The following LRCH3 variants were observed in gnomAD, a reference collection of about 807,000 sequenced individuals.
LRCH3 encodes DISP complex protein LRCH3.
A neutral mutation model predicts 104.5 loss-of-function variants in LRCH3; 68 were observed. The ratio of observed to expected loss-of-function variants is 0.65; its 90% CI spans 0.54 to 0.80. The LOEUF (loss-of-function observed/expected upper bound fraction) is 0.80. Among genes scored for constraint, LRCH3 ranks in the 30% least tolerant of loss-of-function variants. LRCH3 has a pLI of 0.00. For missense variants in LRCH3, 951 were observed against 953.9 expected (o/e 1.00, Z 0.04); for synonymous variants, 344 against 361.3 (o/e 0.95, Z 0.54).
At chr3:197,843,610 G>C (rs961551643) in intron 10 of LRCH3, among the ~76,000 whole-genome samples, 16 of 152,166 alleles carry the variant, frequency 1.1e-4, no homozygotes, top group African/African-American at 3.6e-4. Flanking sequence ...CTTGAACTTA[G>C]AAGGCAGAGG....
At chr3:197,834,746 AGAGG>A (rs1736451966) in intron 8 of LRCH3, among the ~76,000 whole-genome samples, 1 of 152,244 alleles carries the variant, frequency 6.6e-6, no homozygotes, top group South Asian at 2.1e-4. Context: ...GAAAAATGGT[AGAGG>A]TCTCTATTTC....
chr3:197,870,158 A>G lies in LRCH3; in HGVS notation c.1874-2A>G, dbSNP rs778007871. 1 of 1,611,404 alleles carries G rather than the reference A, an allele frequency of 6.2e-7. No homozygotes were observed. Among genetic ancestry groups the G allele is most frequent in the Non-Finnish European group, 8.5e-7 (1 of 1,178,352 alleles). ...CTGTCTTACATATTAATATTTTTAT[A>G]GGTCATGCTTCACCCCTTCCTCCAT... On this transcript the variant is annotated splice_acceptor_variant, in intron 17 of 20. Transcript: ENST00000425562. LOFTEE classifies it high-confidence loss of function.
In LRCH3 at chr3:197,848,351, T is replaced by TA. The variant is rs1739070282; in HGVS notation, c.1530+331dup. Reference sequence around the variant, plus strand: ...AAAGGCCCGTGCAGATGCAAACTGTTACTCAGACCTCTCTCCAGCTTCCTC... The same window carrying TA: ...AAAGGCCCGTGCAGATGCAAACTGTTAACTCAGACCTCTCTCCAGCTTCCTC... On this transcript the variant is annotated intron_variant, in intron 12 of 20. Coordinates refer to ENST00000425562, the MANE Select transcript of LRCH3 (RefSeq NM_001365715.1). The TA allele has an allele frequency of 6.4e-5, 12 of 187,368 alleles. 1 individual carries two copies. In the South Asian group the frequency reaches 1.5e-3, roughly 23 times the overall value. 11.6% of individuals were successfully genotyped at this position (187,368 alleles called of 1,614,324 possible). A position where few individuals can be genotyped will look rare whatever the true frequency, so the allele number is the denominator to read the frequency against.
intron 1 of LRCH3, among the ~76,000 whole-genome samples, chr3:197,802,955 A>G (rs1732062358): frequency 6.6e-6 from 1 of 152,182 alleles, no homozygotes; most frequent in South Asian, 2.1e-4. Context: ...AATACTAGTG[A>G]GTATGCTTCT....
chr3:197,845,739 T>C (rs1251071473), intron 10 of LRCH3, among the ~76,000 whole-genome samples: 1 of 152,058 alleles, frequency 6.6e-6, no homozygotes, highest in Non-Finnish European at 1.5e-5. Context: ...ACCCCGTCTC[T>C]ACTAAAAATA....
intron 8 of LRCH3, among the ~76,000 whole-genome samples, chr3:197,833,021 A>G (rs6782839): frequency 0.016 from 2,438 of 152,222 alleles, 49 homozygotes; most frequent in African/African-American, 0.054. Flanking sequence ...TTTCAATTAA[A>G]TGGTTTGCTG....
At chr3:197,865,558 G>T in intron 16 of LRCH3, 87 bp downstream of exon 16, 1 of 872,802 alleles carries the variant, frequency 1.1e-6, no homozygotes, top group Non-Finnish European at 1.6e-6. Context: ...TAGAGACGAG[G>T]CCTTTCTGTG....
chr3:197,875,622 C>A, intron 19 of LRCH3, 76 bp from the exon 20 acceptor site: 1 of 1,153,820 alleles, frequency 8.7e-7, no homozygotes, highest in Non-Finnish European at 1.2e-6. Flanking sequence ...CCACTGCACT[C>A]CAGCCTGGGT....
At chr3:197,880,810 C>T in intron 20 of LRCH3, 3 of 1,516,328 alleles carry the variant, frequency 2.0e-6, no homozygotes, top group Non-Finnish European at 1.8e-6. Context: ...GCTTTTTCTC[C>T]CTGCTGGCCC....
intron 10 of LRCH3, among the ~76,000 whole-genome samples, chr3:197,844,098 A>G (rs1038059282): frequency 2.6e-5 from 4 of 152,212 alleles, no homozygotes; most frequent in Non-Finnish European, 5.9e-5. Flanking sequence ...CTAGGGGTGA[A>G]ACGTTCTAGG....
chr3:197,862,126 G>A (rs1296939261), intron 15 of LRCH3, among the ~76,000 whole-genome samples: 2 of 152,174 alleles, frequency 1.3e-5, no homozygotes, highest in East Asian at 3.8e-4. Flanking sequence ...CTCCCGAGTA[G>A]CTGCGATTAC....
chr3:197,840,329 A>G (rs1475637841), intron 10 of LRCH3, among the ~76,000 whole-genome samples: 1 of 152,112 alleles, frequency 6.6e-6, no homozygotes, highest in Non-Finnish European at 1.5e-5. Flanking sequence ...TTCCAGCTAC[A>G]GGTGGCACAT....
Position 197,861,040 on chromosome 3 carries a change from C to T in LRCH3, c.1716+2135C>T, listed in dbSNP as rs560162738. On this transcript the variant is annotated intron_variant, in intron 15 of 20. Transcript: ENST00000425562. ...AGGTTAGAGTGCAATGGCACAATCT[C>T]GGCTCACTGCAACCTCTGCCTCCTG... Among the ~76,000 whole-genome samples the T allele has an allele frequency of 5.3e-5, 8 of 150,506 alleles. No individual in the cohort carries two copies. The East Asian group carries it at 7.8e-4, about 15-fold the overall frequency.
intron 10 of LRCH3, among the ~76,000 whole-genome samples, chr3:197,846,454 T>C (rs760113041): frequency 4.0e-5 from 6 of 150,704 alleles, no homozygotes; most frequent in Non-Finnish European, 7.4e-5. Context: ...CCAATTACTT[T>C]AGGAGGCTGA....
intron 10 of LRCH3, among the ~76,000 whole-genome samples, chr3:197,844,765 G>A (rs553749115): frequency 1.8e-4 from 28 of 152,112 alleles, no homozygotes; most frequent in African/African-American, 4.3e-4. Flanking sequence ...CTACAGGCGC[G>A]CACCACCACA....
chr3:197,827,781 A>G (rs1259682481), intron 5 of LRCH3, among the ~76,000 whole-genome samples: 1 of 152,104 alleles, frequency 6.6e-6, no homozygotes, highest in African/African-American at 2.4e-5. Flanking sequence ...TGTAGACACC[A>G]TAAATGCTAG....
At chr3:197,833,188 G>A (rs1428838620) in intron 8 of LRCH3, among the ~76,000 whole-genome samples, 6 of 151,996 alleles carry the variant, frequency 3.9e-5, no homozygotes, top group South Asian at 4.2e-4. Flanking sequence ...CGGTATGATA[G>A]CCACTAGCCA....
chr3:197,872,348 C>T (rs911733653), intron 19 of LRCH3, among the ~76,000 whole-genome samples: 4 of 131,316 alleles, frequency 3.0e-5, no homozygotes, highest in East Asian at 2.1e-4. Flanking sequence ...GAGAGCAAGA[C>T]CCTGTCTCAA....
intron 1 of LRCH3, among the ~76,000 whole-genome samples, chr3:197,812,532 G>GTTTTTTTTTTT (rs1733289324): frequency 4.3e-4 from 2 of 4,620 alleles, no homozygotes; most frequent in African/African-American, 1.5e-3. Context: ...TTTTTTTTTA[G>GTTTTTTTTTTT]GTGGAGTCTC....
Sources: allele counts gnomAD v4.1 joint callset (sites outside exome capture counted in the v4.1 genomes callset), GRCh38; gene constraint gnomAD v4.1.1; transcripts MANE v1.5; gene names NCBI Gene and HGNC (gene_info 2026-07-23, HGNC 2026-07-21).